Variants in RBFOX1 observed in about 807,000 individuals in gnomAD.
The protein encoded by RBFOX1 is RNA binding protein fox-1 homolog 1.
Under a neutral mutation model 57.7 loss-of-function variants are expected in RBFOX1, and 8 were observed. The ratio of observed to expected loss-of-function variants is 0.14; its 90% CI spans 0.08 to 0.25. The LOEUF (loss-of-function observed/expected upper bound fraction) is 0.25. Among genes scored for constraint, RBFOX1 ranks in the 10% least tolerant of loss-of-function variants. RBFOX1 has a pLI of 1.00. For synonymous variants in RBFOX1, 326 were observed against 222.4 expected (o/e 1.47, Z -4.15); for missense variants, 611 against 548.5 (o/e 1.11, Z -1.14).
intron 4 of RBFOX1, among the ~76,000 whole-genome samples, chr16:7,315,089 C>CTCTATT (rs200383306): frequency 0.011 from 510 of 47,712 alleles, 4 homozygotes; most frequent in African/African-American, 0.031. Context: ...CAGAGAAAAG[C>CTCTATT]TCTTTTTTTT....
intron 14 of RBFOX1, among the ~76,000 whole-genome samples, chr16:7,689,453 G>C (rs1178772673): frequency 6.6e-6 from 1 of 152,110 alleles, no homozygotes; most frequent in East Asian, 1.9e-4. Context: ...GCTACCTACA[G>C]AACAGTGAAA....
chr16:6,486,612 C>T (rs563628134), intron 2 of RBFOX1, among the ~76,000 whole-genome samples: 4 of 146,786 alleles, frequency 2.7e-5, no homozygotes, highest in South Asian at 4.3e-4. Context: ...GATTTTCTGA[C>T]GAACATAAAA....
At chr16:6,663,719 G>A (rs2098715206) in intron 3 of RBFOX1, among the ~76,000 whole-genome samples, 1 of 152,208 alleles carries the variant, frequency 6.6e-6, no homozygotes, top group South Asian at 2.1e-4. Context: ...ACATTAAAAT[G>A]GAAGAAGCTC....
intron 1 of RBFOX1, among the ~76,000 whole-genome samples, chr16:6,282,044 C>A (rs1035710028): frequency 1.8e-4 from 28 of 152,244 alleles, no homozygotes; most frequent in South Asian, 4.2e-4. Context: ...TTAACTGTTC[C>A]TGAGTAGAGA....
rs71145238 is a variant in RBFOX1, at chr16:6,506,624, A to ATTTTTTTTTTTTTTTTTTTTTTTTTTTTT, written c.-63-147966_-63-147938dup. Among the ~76,000 whole-genome samples the ATTTTTTTTTTTTTTTTTTTTTTTTTTTTT allele has an allele frequency of 2.0e-5, 2 of 98,422 alleles. 1 individual carries two copies. 64.6% of individuals were successfully genotyped at this position (98,422 alleles called of 152,430 possible). On this transcript the variant is annotated intron_variant, in intron 2 of 15. Coordinates refer to ENST00000550418, the MANE Select transcript of RBFOX1 (RefSeq NM_018723.4). The stretch of plus-strand genomic sequence containing the variant: ...ACGGTAATAACAATCACAGTAGCTA[A>ATTTTTTTTTTTTTTTTTTTTTTTTTTTTT]TTTTTTTTTTTTTTTTTTTTTTTTT...
At chr16:7,029,043 A>T (rs1280233982) in intron 3 of RBFOX1, among the ~76,000 whole-genome samples, 1 of 103,854 alleles carries the variant, frequency 9.6e-6, no homozygotes, top group South Asian at 2.7e-4. Context: ...AGAAAAAAAA[A>T]AGCTATATAT....
At chr16:5,701,057 C>G (rs912089626) in intron 3 of RBFOX1, among the ~76,000 whole-genome samples, 1 of 152,174 alleles carries the variant, frequency 6.6e-6, no homozygotes, top group Non-Finnish European at 1.5e-5. Flanking sequence ...GATTTTTCTT[C>G]TTTTAATAGC....
rs748221883 is a variant in RBFOX1 at position 7,183,939 on chromosome 16, G to T, written c.27+131841G>T. Among the ~76,000 whole-genome samples the T allele has an allele frequency of 3.3e-5, 5 of 152,108 alleles. No homozygotes were observed. In the South Asian group the frequency reaches 6.2e-4, roughly 19 times the overall value. ...GGGAATTAATAAACCAATAAAGAGAGGCTAAAATTTCAGACTGCAATGATG... is the reference window on the plus strand; with the variant it reads ...GGGAATTAATAAACCAATAAAGAGATGCTAAAATTTCAGACTGCAATGATG... On this transcript the variant is annotated intron_variant, in intron 4 of 15. Transcript: ENST00000550418.
At chr16:6,223,837 C>T (rs1464409831) in intron 1 of RBFOX1, among the ~76,000 whole-genome samples, 1 of 152,074 alleles carries the variant, frequency 6.6e-6, no homozygotes. Context: ...GGTCTTAGGT[C>T]TAACATTTAA....
intron 4 of RBFOX1, among the ~76,000 whole-genome samples, chr16:7,314,062 A>G (rs1403322071): frequency 1.3e-5 from 2 of 151,938 alleles, no homozygotes; most frequent in Non-Finnish European, 2.9e-5. Context: ...AGTCATTACG[A>G]TTTTGTTTAA....
chr16:6,571,528 G>T (rs887666183), intron 2 of RBFOX1, among the ~76,000 whole-genome samples: 1 of 152,124 alleles, frequency 6.6e-6, no homozygotes, highest in Non-Finnish European at 1.5e-5. Context: ...CAAGGGGTTT[G>T]TGTGCTGGGG....
intron 4 of RBFOX1, among the ~76,000 whole-genome samples, chr16:5,891,402 C>G (rs976737478): frequency 1.3e-5 from 2 of 152,212 alleles, no homozygotes; most frequent in African/African-American, 4.8e-5. Context: ...GCCAAGCCAT[C>G]TTTCCTGTGC....
At chr16:6,108,549 G>A (rs975084439) in intron 1 of RBFOX1, among the ~76,000 whole-genome samples, 1 of 152,180 alleles carries the variant, frequency 6.6e-6, no homozygotes, top group African/African-American at 2.4e-5. Flanking sequence ...GGATTAGGAA[G>A]CAGACACTCA....
chr16:5,722,104 G>A (rs1351774900), intron 3 of RBFOX1, among the ~76,000 whole-genome samples: 1 of 152,166 alleles, frequency 6.6e-6, no homozygotes, highest in Non-Finnish European at 1.5e-5. Context: ...GAACCAGGTT[G>A]CTCTACTGAC....
chr16:5,547,281 C>T (rs955373232), intron 2 of RBFOX1, among the ~76,000 whole-genome samples: 10 of 152,160 alleles, frequency 6.6e-5, no homozygotes, highest in African/African-American at 9.7e-5. Flanking sequence ...GGCAGCATGT[C>T]CTCAAACAAC....
intron 4 of RBFOX1, among the ~76,000 whole-genome samples, chr16:5,887,921 A>T (rs560172693): frequency 6.6e-6 from 1 of 152,164 alleles, no homozygotes; most frequent in Non-Finnish European, 1.5e-5. Flanking sequence ...GATTTCCACT[A>T]TTCTGAACAA....
intron 13 of RBFOX1, among the ~76,000 whole-genome samples, chr16:7,666,682 C>A (rs2069410180): frequency 6.6e-6 from 1 of 152,112 alleles, no homozygotes. Flanking sequence ...GGGCATATCG[C>A]TGCATCAGAG....
chr16:6,749,770 A>G (rs1224575051), intron 3 of RBFOX1, among the ~76,000 whole-genome samples: 1 of 152,210 alleles, frequency 6.6e-6, no homozygotes, highest in African/African-American at 2.4e-5. Flanking sequence ...CAGTGTTAAC[A>G]GAGCAGCCTT....
chr16:5,647,172 G>C (rs1298586162), intron 3 of RBFOX1, among the ~76,000 whole-genome samples: 1 of 152,178 alleles, frequency 6.6e-6, no homozygotes, highest in African/African-American at 2.4e-5. Flanking sequence ...AGTGATATGT[G>C]GGTGGCATGT....
Sources: gnomAD v4.1 joint callset for allele counts (sites outside exome capture counted in the v4.1 genomes callset) on GRCh38, gnomAD v4.1.1 for gene constraint, MANE v1.5 for transcripts, NCBI Gene and HGNC (gene_info 2026-07-23, HGNC 2026-07-21) for gene names.